CCDC102B: variants seen among roughly 807,000 people sequenced by gnomAD.
CCDC102B encodes the protein coiled-coil domain-containing protein 102B.
CCDC102B carries 75 observed loss-of-function variants against 57.4 expected under a neutral mutation model. The observed-to-expected ratio is 1.31, with a 90% CI of 1.08 to 1.58. The LOEUF is 1.58. CCDC102B is among the 40% of genes most tolerant of loss of function. The pLI is 0.00. For missense variants in CCDC102B, 636 were observed against 582.6 expected (o/e 1.09, Z -0.94); for synonymous variants, 206 against 201.9 (o/e 1.02, Z -0.17).
intron 1 of CCDC102B, among the ~76,000 whole-genome samples, chr18:68,806,067 T>G (rs1014967558): frequency 6.6e-6 from 1 of 152,122 alleles, no homozygotes; most frequent in African/African-American, 2.4e-5. Context: ...AATTTTTTTA[T>G]GTGTTTATCA....
chr18:69,027,186 A>G (rs576266099), intron 7 of CCDC102B, among the ~76,000 whole-genome samples: 10 of 152,300 alleles, frequency 6.6e-5, no homozygotes, highest in Admixed American at 1.3e-4. Context: ...CTGGGCTCAC[A>G]GTGTCCTTAA....
At chr18:68,907,665 A>G (rs1437571610) in intron 6 of CCDC102B, among the ~76,000 whole-genome samples, 3 of 152,174 alleles carry the variant, frequency 2.0e-5, no homozygotes, top group African/African-American at 2.4e-5. Context: ...CTGAAGTTGT[A>G]TATTAGCTGT....
rs547178484 is a variant in CCDC102B, at chr18:69,007,037, C to A, written c.1264-3897C>A. Among the ~76,000 whole-genome samples, 9 of 152,244 alleles carry A rather than the reference C, an allele frequency of 5.9e-5. No individual in the cohort carries two copies. The East Asian group carries it at 1.7e-3, about 29-fold the overall frequency. ...GAGAGAGAAGGTATGTGAAGAATTTCTCATAGTGTAGGTACCTGGGAAGCA... is the reference window on the plus strand; with the variant it reads ...GAGAGAGAAGGTATGTGAAGAATTTATCATAGTGTAGGTACCTGGGAAGCA... On this transcript the variant is annotated intron_variant, in intron 6 of 7. Coordinates refer to ENST00000360242, the MANE Select transcript of CCDC102B (RefSeq NM_024781.3).
intron 7 of CCDC102B, among the ~76,000 whole-genome samples, chr18:69,029,176 T>C (rs1484172394): frequency 5.9e-5 from 9 of 152,156 alleles, no homozygotes; most frequent in Non-Finnish European, 7.4e-5. Context: ...CTCAGTACTT[T>C]TTTTAGTTTA....
At position 68,964,833 on chromosome 18, in the gene CCDC102B, A is replaced by T. The variant is rs139557094; in HGVS notation, c.1264-46101A>T. 4.0e-3 allele frequency among the ~76,000 whole-genome samples: 604 copies of T among 151,954 alleles called. 2 individuals are homozygous for T. The highest frequency in any genetic ancestry group is 0.013 in the African/African-American group (539 of 41,518). On this transcript the variant is annotated intron_variant, in intron 6 of 7. Transcript: ENST00000360242. ...TGTTTTCCTTTCCTCCTCATTCCTG[A>T]AGAGAAATTTTACTTGATATTGAAT...
chr18:69,056,801 A>G (rs1384444909), downstream of CCDC102B, among the ~76,000 whole-genome samples: 1 of 151,940 alleles, frequency 6.6e-6, no homozygotes, highest in Non-Finnish European at 1.5e-5. Context: ...TACGCTTTCT[A>G]AGTGTACAGG....
At chr18:68,814,512 C>T (rs1406255932) in intron 1 of CCDC102B, among the ~76,000 whole-genome samples, 1 of 152,064 alleles carries the variant, frequency 6.6e-6, no homozygotes, top group Non-Finnish European at 1.5e-5. Context: ...TGGTCAGTTA[C>T]ATTCAGGCAT....
At position 69,055,096 on chromosome 18, in the gene CCDC102B, A is replaced by G; in HGVS notation, c.*959A>G. ...TAAGATTTAACTCAGTCAATAACAT[A>G]CTGGTTTTACTCATCTCCCCCTCCA... On this transcript the variant is annotated 3_prime_UTR_variant, in exon 8 of 8. Transcript: ENST00000360242. 22 of 983,232 alleles carry G rather than the reference A, an allele frequency of 2.2e-5. No individual in the cohort carries two copies. Among genetic ancestry groups the G allele is most frequent in the Non-Finnish European group, 2.5e-5 (21 of 828,000 alleles). 60.9% of individuals were successfully genotyped at this position (983,232 alleles called of 1,614,324 possible). A position where few individuals can be genotyped will look rare whatever the true frequency, so the allele number is the denominator to read the frequency against.
intron 6 of CCDC102B, among the ~76,000 whole-genome samples, chr18:68,905,880 G>A (rs1199173355): frequency 3.2e-5 from 4 of 125,152 alleles, no homozygotes; most frequent in Admixed American, 1.1e-4. Context: ...TGCAAGCTCC[G>A]CCTCCCGGGT....
intron 6 of CCDC102B, among the ~76,000 whole-genome samples, chr18:68,951,747 G>A (rs1599740709): frequency 6.6e-6 from 1 of 151,990 alleles, no homozygotes; most frequent in Middle Eastern, 3.4e-3. Flanking sequence ...GGCTGAGGTT[G>A]CAGTGGGCTG....
At chr18:68,734,664 A>G (rs963604793) in intron 2 of CCDC102B, 2 of 152,124 alleles carry the variant, frequency 1.3e-5, no homozygotes, top group African/African-American at 4.8e-5. Context: ...AAAAGTTGAT[A>G]TTTTTATTTT....
At chr18:68,790,315 G>A (rs866887245) in intron 2 of CCDC102B, among the ~76,000 whole-genome samples, 14 of 128,832 alleles carry the variant, frequency 1.1e-4, no homozygotes, top group South Asian at 2.3e-4. Flanking sequence ...GAGGTGGAGC[G>A]TACAGAGGCA....
intron 6 of CCDC102B, among the ~76,000 whole-genome samples, chr18:68,971,601 A>G (rs1252542103): frequency 6.6e-6 from 1 of 152,166 alleles, no homozygotes; most frequent in Non-Finnish European, 1.5e-5. Flanking sequence ...AAATCACAAG[A>G]TAACATTAAG....
chr18:68,892,761 C>T (rs1377632402), intron 5 of CCDC102B, among the ~76,000 whole-genome samples: 1 of 152,094 alleles, frequency 6.6e-6, no homozygotes, highest in African/African-American at 2.4e-5. Flanking sequence ...ATAAGTCTAG[C>T]AAATAAATTC....
intron 2 of CCDC102B, among the ~76,000 whole-genome samples, chr18:68,788,295 T>A (rs996319820): frequency 4.0e-5 from 6 of 151,766 alleles, no homozygotes; most frequent in African/African-American, 1.5e-4. Flanking sequence ...CTGACAAAAA[T>A]GTATATTCTG....
intron 6 of CCDC102B, among the ~76,000 whole-genome samples, chr18:68,983,481 G>A (rs1316527808): frequency 1.3e-5 from 2 of 151,950 alleles, no homozygotes; most frequent in Non-Finnish European, 2.9e-5. Context: ...TTGGCTATAT[G>A]AAGTCAAGTA....
chr18:68,950,619 T>C (rs1479100657), intron 6 of CCDC102B, among the ~76,000 whole-genome samples: 2 of 152,156 alleles, frequency 1.3e-5, no homozygotes, highest in Non-Finnish European at 2.9e-5. Context: ...ATTCTCAATC[T>C]GTTTCCCCCT....
At chr18:68,837,829 G>A (rs1453436807) in intron 2 of CCDC102B, among the ~76,000 whole-genome samples, 3 of 152,088 alleles carry the variant, frequency 2.0e-5, no homozygotes, top group Non-Finnish European at 4.4e-5. Context: ...TGTATCCTTC[G>A]TCTGACTTCA....
chr18:68,860,483 A>G (rs1028762770), intron 4 of CCDC102B, among the ~76,000 whole-genome samples: 1 of 131,682 alleles, frequency 7.6e-6, no homozygotes, highest in African/African-American at 2.7e-5. Context: ...AACAAAAAAA[A>G]AAAAAGACAC....
Sources: allele counts gnomAD v4.1 joint callset (sites outside exome capture counted in the v4.1 genomes callset), GRCh38; gene constraint gnomAD v4.1.1; transcripts MANE v1.5; gene names NCBI Gene and HGNC (gene_info 2026-07-23, HGNC 2026-07-21).